Variants in MDGA2 observed in about 807,000 individuals in gnomAD.
MDGA2 encodes the protein MAM domain-containing glycosylphosphatidylinositol anchor protein 2.
A neutral mutation model predicts 117.8 loss-of-function variants in MDGA2; 40 were observed. The ratio of observed to expected loss-of-function variants is 0.34; its 90% CI spans 0.26 to 0.44. The LOEUF (loss-of-function observed/expected upper bound fraction) is 0.44, where lower values mean the gene tolerates loss of function less well. Ranked by LOEUF, MDGA2 falls within the 20% of genes least tolerant of loss-of-function variation. The probability of loss-of-function intolerance (pLI) is 1.00; values close to 1 mark genes in which losing one functional copy is unlikely to be tolerated. For missense variants in MDGA2, 1,123 were observed against 1,250.6 expected (o/e 0.90, Z 1.54); for synonymous variants, 452 against 439.0 (o/e 1.03, Z -0.37).
chr14:47,464,637 T>C (rs1893561981), intron 1 of MDGA2, among the ~76,000 whole-genome samples: 1 of 151,776 alleles, frequency 6.6e-6, no homozygotes, highest in South Asian at 2.1e-4. Context: ...AGGTGAAAGA[T>C]CTCCACAATG....
Position 47,144,260 on chromosome 14 carries a change from C to T in MDGA2, c.610G>A (p.Val204Ile). Reference protein sequence around the residue: ...RVDVYYLDDPVVTVHQSIGEA... With the variant: ...RVDVYYLDDPIVTVHQSIGEA... Reference sequence around the variant, plus strand: ...CCTATACTTTGATGAACAGTTACTACTGGATCATCCAAATCTAAAGGAAAT... The same window carrying T: ...CCTATACTTTGATGAACAGTTACTATTGGATCATCCAAATCTAAAGGAAAT... Residue 204 changes from valine (V) to isoleucine (I), a missense_variant, in exon 4 of 17, where the codon GTA (valine) becomes ATA (isoleucine). Val to Ile is a conservative substitution (Grantham distance 29). Around this residue, in one of 2 missense-constraint regions of MDGA2, gnomAD observed 890 missense variants for 1,050.3 expected, o/e 0.85. Coordinates refer to ENST00000399232, the MANE Select transcript of MDGA2 (RefSeq NM_001113498.3). 1 of 1,548,592 alleles carries T rather than the reference C, an allele frequency of 6.5e-7. No homozygotes were observed. Among genetic ancestry groups the T allele is most frequent in the Non-Finnish European group, 8.7e-7 (1 of 1,145,412 alleles).
At chr14:47,169,362 TATG>T (rs1277458793) in intron 3 of MDGA2, among the ~76,000 whole-genome samples, 18 of 151,906 alleles carry the variant, frequency 1.2e-4, no homozygotes, top group Non-Finnish European at 2.7e-4. Context: ...CAATGGCTTA[TATG>T]ATGTTACCTT....
intron 1 of MDGA2, among the ~76,000 whole-genome samples, chr14:47,601,400 T>TTA (rs1566535525): frequency 6.6e-6 from 1 of 151,344 alleles, no homozygotes; most frequent in African/African-American, 2.4e-5. Flanking sequence ...CAAATTTTTT[T>TTA]AAAAAAAAAT....
chr14:47,157,886 A>G (rs547204348), intron 3 of MDGA2, among the ~76,000 whole-genome samples: 20 of 152,100 alleles, frequency 1.3e-4, no homozygotes, highest in African/African-American at 4.3e-4. Context: ...CCATGATTTT[A>G]AGTTTCTGGA....
chr14:47,613,477 T>TCACACACACACACACA (rs200626697), intron 1 of MDGA2, among the ~76,000 whole-genome samples: 1 of 138,250 alleles, frequency 7.2e-6, no homozygotes, highest in African/African-American at 2.8e-5. Context: ...TCTCTCTCTC[T>TCACACACACACACACA]CTCACACACA....
At chr14:47,373,787 C>A (rs1407950164) in intron 1 of MDGA2, among the ~76,000 whole-genome samples, 2 of 152,024 alleles carry the variant, frequency 1.3e-5, no homozygotes, top group African/African-American at 4.8e-5. Flanking sequence ...AAATAACATT[C>A]AATGTTGGCC....
chr14:47,475,168 G>A (rs184273776), intron 1 of MDGA2, among the ~76,000 whole-genome samples: 1 of 152,174 alleles, frequency 6.6e-6, no homozygotes, highest in East Asian at 1.9e-4. Context: ...GTGAGCAAAG[G>A]ACATGCACAG....
At chr14:47,341,387 CTCTTT>C (rs889261263) in intron 1 of MDGA2, among the ~76,000 whole-genome samples, 1 of 152,154 alleles carries the variant, frequency 6.6e-6, no homozygotes, top group African/African-American at 2.4e-5. Flanking sequence ...ATCTGGATTA[CTCTTT>C]TCAACACTGA....
At chr14:47,495,430 A>G (rs1445229705) in intron 1 of MDGA2, among the ~76,000 whole-genome samples, 4 of 152,168 alleles carry the variant, frequency 2.6e-5, no homozygotes, top group Non-Finnish European at 5.9e-5. Context: ...TAAAAGAAAG[A>G]AATTTGGCAA....
chr14:47,497,649 G>T (rs1362719483), intron 1 of MDGA2, among the ~76,000 whole-genome samples: 1 of 152,210 alleles, frequency 6.6e-6, no homozygotes, highest in African/African-American at 2.4e-5. Context: ...ATAATTTACT[G>T]AGTCTGCTTG....
intron 8 of MDGA2, among the ~76,000 whole-genome samples, chr14:46,984,020 T>G (rs1337068720): frequency 2.0e-5 from 3 of 152,060 alleles, no homozygotes; most frequent in Non-Finnish European, 4.4e-5. Flanking sequence ...ATATTAGTAA[T>G]AAAACATAGT....
At chr14:46,859,916 T>C (rs1341905679) in intron 14 of MDGA2, among the ~76,000 whole-genome samples, 2 of 152,130 alleles carry the variant, frequency 1.3e-5, no homozygotes, top group African/African-American at 4.8e-5. Flanking sequence ...TATAACATTA[T>C]CATTAAATCA....
intron 9 of MDGA2, among the ~76,000 whole-genome samples, chr14:46,938,823 G>A (rs931471139): frequency 6.6e-6 from 1 of 152,106 alleles, no homozygotes; most frequent in African/African-American, 2.4e-5. Context: ...CATATTTATT[G>A]TAGTACTATT....
chr14:47,375,266 T>C (rs1297006749), intron 1 of MDGA2, among the ~76,000 whole-genome samples: 1 of 151,856 alleles, frequency 6.6e-6, no homozygotes, highest in East Asian at 1.9e-4. Flanking sequence ...ACAACTTCCA[T>C]CTTAATCAAA....
chr14:47,293,476 C>A lies in MDGA2; in HGVS notation c.420+7935G>T, dbSNP rs72682153. 3.3e-3 allele frequency among the ~76,000 whole-genome samples: 500 copies of A among 152,228 alleles called. 2 individuals are homozygous for A. Among genetic ancestry groups the A allele is most frequent in the Non-Finnish European group, 5.6e-3 (382 of 68,022 alleles). On this transcript the variant is annotated intron_variant, in intron 2 of 16. Transcript: ENST00000399232. ...GCCAAATCCAGGCATAGAGAAGAGACAAATTTCAATGGGACAGGCAAGAAT... is the reference window on the plus strand; with the variant it reads ...GCCAAATCCAGGCATAGAGAAGAGAAAAATTTCAATGGGACAGGCAAGAAT...
intron 3 of MDGA2, among the ~76,000 whole-genome samples, chr14:47,205,086 G>A (rs989194586): frequency 4.0e-5 from 6 of 151,716 alleles, no homozygotes; most frequent in Non-Finnish European, 7.4e-5. Flanking sequence ...TATATAGTTC[G>A]TTTCTGTCTG....
At chr14:47,562,033 T>G (rs367546298) in intron 1 of MDGA2, among the ~76,000 whole-genome samples, 1 of 152,242 alleles carries the variant, frequency 6.6e-6, no homozygotes, top group African/African-American at 2.4e-5. Context: ...TCCCATTTAC[T>G]GATTTGCAAA....
chr14:47,056,919 C>T (rs1477223887), intron 7 of MDGA2, among the ~76,000 whole-genome samples: 3 of 151,896 alleles, frequency 2.0e-5, no homozygotes, highest in East Asian at 3.9e-4. Context: ...TGAATTATAG[C>T]GTATAGTATA....
chr14:47,173,961 A>G (rs2139336003), intron 3 of MDGA2, among the ~76,000 whole-genome samples: 1 of 152,224 alleles, frequency 6.6e-6, no homozygotes, highest in African/African-American at 2.4e-5. Context: ...AGATCTACCA[A>G]GCAAATGGAA....
Sources: allele counts gnomAD v4.1 joint callset (sites outside exome capture counted in the v4.1 genomes callset), GRCh38; gene constraint gnomAD v4.1.1; regional missense constraint gnomAD v4.1.1; transcripts MANE v1.5; gene names NCBI Gene and HGNC (gene_info 2026-07-23, HGNC 2026-07-21).